Variants in HPCAL1 observed in about 807,000 individuals in gnomAD.
HPCAL1 encodes hippocalcin like 1.
A neutral mutation model predicts 17.1 loss-of-function variants in HPCAL1; 8 were observed. That is an observed-to-expected ratio of 0.47 (90% CI 0.27 to 0.84). HPCAL1 has a LOEUF of 0.84. Ranked by LOEUF, HPCAL1 falls within the 40% of genes least tolerant of loss-of-function variation. The pLI, the probability that HPCAL1 is intolerant of heterozygous loss-of-function variation, is 0.13. For missense variants in HPCAL1, 165 were observed against 271.1 expected, an observed-to-expected ratio of 0.61 and a Z score of 2.75; for synonymous variants, 112 against 111.4, an observed-to-expected ratio of 1.01 and a Z score of -0.03.
chr2:10,329,006 A>AT (rs889899896), intron 1 of HPCAL1, among the ~76,000 whole-genome samples: 1 of 151,594 alleles, frequency 6.6e-6, no homozygotes, highest in African/African-American at 2.4e-5. Flanking sequence ...TAATTACTTA[A>AT]TTTTTTTGAG....
chr2:10,349,330 T>C (rs138683972), intron 1 of HPCAL1, among the ~76,000 whole-genome samples: 4 of 152,232 alleles, frequency 2.6e-5, no homozygotes, highest in Non-Finnish European at 5.9e-5. Context: ...ATTTGAGTGC[T>C]TGTAAGAAGC....
At position 10,420,089 on chromosome 2, in the gene HPCAL1, A is replaced by G; in HGVS notation, c.332A>G (p.Asp111Gly). The change falls in exon 3 of 5, where the codon GAC becomes GGC. Residue 111 changes from aspartate (D) to glycine (G), a missense_variant. Physicochemically the swap from Asp to Gly is moderately conservative, Grantham distance 94 (BLOSUM62 -1). Transcript: ENST00000307845. ...TGGGCCTTCAGCATGTACGACCTGG[A>G]CGGCAACGGCTACATCAGCCGCAGC... ...LKWAFSMYDL[D>G]GNGYISRSEM... The G allele has an allele frequency of 6.2e-7, 1 of 1,613,272 alleles. No homozygotes were observed. The highest frequency in any genetic ancestry group is 2.2e-5 in the East Asian group (1 of 44,854).
At chr2:10,396,970 A>T (rs1308973772) in intron 2 of HPCAL1, 50 bp downstream of exon 2, 5 of 152,328 alleles carry the variant, frequency 3.3e-5, no homozygotes, top group Non-Finnish European at 7.3e-5. Flanking sequence ...AGGACTGAGG[A>T]TGGAAGTGGG....
At chr2:10,372,433 C>A (rs958007470) in intron 1 of HPCAL1, among the ~76,000 whole-genome samples, 2 of 152,172 alleles carry the variant, frequency 1.3e-5, no homozygotes, top group African/African-American at 4.8e-5. Flanking sequence ...ATAATCCCCC[C>A]CCAGGAGCTC....
intron 2 of HPCAL1, among the ~76,000 whole-genome samples, chr2:10,402,517 T>A (rs1354661411): frequency 6.6e-6 from 1 of 152,126 alleles, no homozygotes; most frequent in Non-Finnish European, 1.5e-5. Flanking sequence ...GAGGCCTGGG[T>A]GATCATGGAT....
intron 1 of HPCAL1, among the ~76,000 whole-genome samples, chr2:10,335,302 C>T (rs935653394): frequency 6.6e-6 from 1 of 152,208 alleles, no homozygotes; most frequent in African/African-American, 2.4e-5. Context: ...GGATTGCCAG[C>T]CCTGGAGGGA....
chr2:10,322,045 C>T (rs1173101241), intron 1 of HPCAL1, among the ~76,000 whole-genome samples: 1 of 152,000 alleles, frequency 6.6e-6, no homozygotes, highest in Admixed American at 6.6e-5. Context: ...TTTTTAGAGA[C>T]AAGGTCTTGC....
chr2:10,339,410 A>G (rs1363680008), intron 1 of HPCAL1, among the ~76,000 whole-genome samples: 1 of 152,054 alleles, frequency 6.6e-6, no homozygotes, highest in African/African-American at 2.4e-5. Flanking sequence ...GGTTTAAGCA[A>G]TTCTCTGCCT....
intron 1 of HPCAL1, among the ~76,000 whole-genome samples, chr2:10,327,035 A>G (rs114853467): frequency 1.4e-3 from 215 of 152,174 alleles, no homozygotes; most frequent in African/African-American, 4.6e-3. Flanking sequence ...AGGTGGCCAG[A>G]GCATGTTGAA....
chr2:10,360,218 A>G (rs184091327), intron 1 of HPCAL1, among the ~76,000 whole-genome samples: 64 of 152,294 alleles, frequency 4.2e-4, no homozygotes, highest in African/African-American at 1.4e-3. Flanking sequence ...GGCAGCAGGC[A>G]CCAGGAGCCT....
At chr2:10,379,418 G>A (rs1031957721) in intron 1 of HPCAL1, among the ~76,000 whole-genome samples, 1 of 151,732 alleles carries the variant, frequency 6.6e-6, no homozygotes, top group Non-Finnish European at 1.5e-5. Flanking sequence ...ATGTGGGAGT[G>A]GACAGGCCTG....
intron 1 of HPCAL1, among the ~76,000 whole-genome samples, chr2:10,349,783 A>G (rs1209444419): frequency 6.9e-6 from 1 of 145,942 alleles, no homozygotes. Context: ...AAAACGTTTC[A>G]TTTTCATATA....
At chr2:10,412,216 G>T (rs77783898) in intron 2 of HPCAL1, among the ~76,000 whole-genome samples, 1 of 152,144 alleles carries the variant, frequency 6.6e-6, no homozygotes, top group African/African-American at 2.4e-5. Flanking sequence ...TTTCTCAGCC[G>T]GGGTTCCAGG....
intron 2 of HPCAL1, among the ~76,000 whole-genome samples, chr2:10,415,722 T>C (rs1670623544): frequency 6.6e-6 from 1 of 151,530 alleles, no homozygotes; most frequent in African/African-American, 2.4e-5. Flanking sequence ...TCGGGGGGAG[T>C]CCAGAGCTCC....
intron 1 of HPCAL1, among the ~76,000 whole-genome samples, chr2:10,314,022 T>A (rs568394952): frequency 1.3e-4 from 20 of 151,350 alleles, no homozygotes; most frequent in Non-Finnish European, 2.1e-4. Context: ...TCCCAGCTAC[T>A]CGGGAGGCTG....
At chr2:10,401,971 G>T (rs1297986410) in intron 2 of HPCAL1, among the ~76,000 whole-genome samples, 1 of 152,124 alleles carries the variant, frequency 6.6e-6, no homozygotes. Flanking sequence ...TGTGATCTCA[G>T]CTCACTGCAA....
chr2:10,305,615 G>T (rs564571265), intron 1 of HPCAL1, among the ~76,000 whole-genome samples: 1 of 152,330 alleles, frequency 6.6e-6, no homozygotes, highest in South Asian at 2.1e-4. Flanking sequence ...ATAAATGGAA[G>T]GTCCTTTGAT....
At chr2:10,338,686 C>CAGCTTGGCACCCAGAGTCACATGCA (rs1664873791) in intron 1 of HPCAL1, among the ~76,000 whole-genome samples, 1 of 152,184 alleles carries the variant, frequency 6.6e-6, no homozygotes, top group Non-Finnish European at 1.5e-5. Flanking sequence ...CTTGGCAAGA[C>CAGCTTGGCACCCAGAGTCACATGCA]CCCTTGACAC....
intron 1 of HPCAL1, among the ~76,000 whole-genome samples, chr2:10,373,204 A>G (rs1427611974): frequency 1.3e-5 from 2 of 152,198 alleles, no homozygotes; most frequent in African/African-American, 4.8e-5. Flanking sequence ...ATGATCTGGG[A>G]AGGAGAGTGG....
Sources: allele counts gnomAD v4.1 joint callset (sites outside exome capture counted in the v4.1 genomes callset), GRCh38; gene constraint gnomAD v4.1.1; transcripts MANE v1.5; gene names NCBI Gene and HGNC (gene_info 2026-07-23, HGNC 2026-07-21).